COG1: variants seen among roughly 807,000 people sequenced by gnomAD.
The protein encoded by COG1 is component of oligomeric golgi complex 1, also known as conserved oligomeric Golgi complex subunit 1.
Under a neutral mutation model 102.2 loss-of-function variants are expected in COG1, and 61 were observed. That is an observed-to-expected ratio of 0.60 (90% CI 0.49 to 0.74). COG1 has a LOEUF of 0.74. Among genes scored for constraint, COG1 ranks in the 30% least tolerant of loss-of-function variants. The pLI, the probability that COG1 is intolerant of heterozygous loss-of-function variation, is 0.00. For synonymous variants in COG1, 454 were observed against 493.6 expected (o/e 0.92, Z 1.06); for missense variants, 1,164 against 1,232.1 (o/e 0.94, Z 0.83).
intron 8 of COG1, 46 bp downstream of exon 8, chr17:73,203,192 G>A (rs748571290): frequency 6.2e-7 from 1 of 1,605,374 alleles, no homozygotes; most frequent in Non-Finnish European, 8.5e-7. Flanking sequence ...CTGCTCCGTG[G>A]AAAAGAAGAA....
chr17:73,205,750 G>A (rs1007725798), intron 10 of COG1, 70 bp downstream of exon 10: 17 of 1,593,582 alleles, frequency 1.1e-5, no homozygotes, highest in Non-Finnish European at 1.4e-5. Context: ...TTGCTGGGAA[G>A]CCACCAGAGT....
intron 1 of COG1, among the ~76,000 whole-genome samples, 181 bp from the exon 2 acceptor site, chr17:73,196,326 C>G (rs996711959): frequency 6.6e-6 from 1 of 152,174 alleles, no homozygotes; most frequent in Non-Finnish European, 1.5e-5. Context: ...TGGGATCTTA[C>G]AACACTCCTG....
intron 8 of COG1, chr17:73,203,377 C>G (rs1181178617): frequency 1.4e-6 from 1 of 705,098 alleles, no homozygotes; most frequent in Non-Finnish European, 2.4e-6. Context: ...ATTAGGGAAC[C>G]ACTTACTTGC....
At chr17:73,194,715 T>G (rs909971656) in intron 1 of COG1, among the ~76,000 whole-genome samples, 3 of 152,084 alleles carry the variant, frequency 2.0e-5, no homozygotes, top group African/African-American at 7.2e-5. Flanking sequence ...CTGCCTGCCT[T>G]GGCCTCCCAA....
chr17:73,207,000 G>T, intron 12 of COG1, 181 bp from the exon 13 acceptor site: 1 of 704,144 alleles, frequency 1.4e-6, no homozygotes, highest in South Asian at 1.7e-5. Context: ...GGCTGAGGCA[G>T]GAGAATGGCG....
Position 73,196,951 on chromosome 17 carries a change from T to G in COG1, c.612T>G (p.Ser204=). ...TGTTGCTCAAATGCCAAGGTGTGTC[T>G]GACCAAGCTGTGGCCGAGGCCCTGT... is the stretch of plus-strand genomic sequence containing the variant. ...SKMLLKCQGV[S]DQAVAEALCS... Residue 204 remains serine, a synonymous_variant, in exon 3 of 14, where the codon TCT becomes TCG. Coordinates refer to ENST00000299886, the MANE Select transcript of COG1 (RefSeq NM_018714.3). 6.2e-7 allele frequency: 1 copy of G among 1,614,250 alleles called. No individual in the cohort carries two copies. The highest frequency in any genetic ancestry group is 8.5e-7 in the Non-Finnish European group (1 of 1,180,044).
intron 9 of COG1, 34 bp from the exon 10 acceptor site, chr17:73,205,519 T>C (rs749333897): frequency 1.7e-5 from 28 of 1,613,382 alleles, no homozygotes; most frequent in Non-Finnish European, 2.4e-5. Context: ...AAGTCCTCTC[T>C]CTTCATGGGT....
Position 73,206,739 on chromosome 17 carries a change from A to T in COG1, c.2651A>T (p.Asn884Ile), listed in dbSNP as rs769291207. The change falls in exon 12 of 14, where the codon AAT becomes ATT. Residue 884 changes from asparagine (N) to isoleucine (I), a missense_variant. Asn to Ile is a moderately radical substitution (Grantham distance 149). Transcript: ENST00000299886. The part of the protein sequence containing the change: ...VLFGLVTGTE[N>I]QLAPRSSTFN... The stretch of plus-strand genomic sequence containing the variant: ...TTTGGATTGGTGACTGGTACAGAGA[A>T]TCAGCTCGCCCCCCGGAGCAGTACG... 6.2e-7 allele frequency: 1 copy of T among 1,613,130 alleles called. No homozygotes were observed. Among genetic ancestry groups the T allele is most frequent in the South Asian group, 1.1e-5 (1 of 91,044 alleles).
chr17:73,206,183 C>T lies in COG1; in HGVS notation c.2540C>T (p.Ala847Val). Residue 847 changes from alanine (A) to valine (V), a missense_variant, in exon 11 of 14, where the codon GCC (alanine) becomes GTC (valine). Coordinates refer to ENST00000299886, the MANE Select transcript of COG1 (RefSeq NM_018714.3). ...GAGAAAGTGACTGACCACCTGGAAG[C>T]CCTCATTGATCCATTTGACCTGGAC... ...RIEKVTDHLE[A>V]LIDPFDLDVF... The T allele has an allele frequency of 6.2e-7, 1 of 1,614,094 alleles. No homozygotes were observed. Among genetic ancestry groups the T allele is most frequent in the South Asian group, 1.1e-5 (1 of 91,086 alleles).
At chr17:73,198,736 T>TTCC (rs1350328548) in intron 4 of COG1, among the ~76,000 whole-genome samples, 5 of 152,296 alleles carry the variant, frequency 3.3e-5, no homozygotes, top group African/African-American at 1.2e-4. Context: ...TGGCTGTTAT[T>TTCC]TCAAGCTGTG....
At chr17:73,200,981 C>A in intron 6 of COG1, 128 bp from the exon 7 acceptor site, 1 of 977,806 alleles carries the variant, frequency 1.0e-6, no homozygotes, top group Non-Finnish European at 1.6e-6. Context: ...TATTCTCTGC[C>A]AACACCATGC....
intron 9 of COG1, among the ~76,000 whole-genome samples, chr17:73,204,554 CTTT>C (rs575425786): frequency 0.021 from 1,997 of 95,858 alleles, 34 homozygotes; most frequent in African/African-American, 0.074. Flanking sequence ...TCATTAGTAA[CTTT>C]TTTTTTTTTT....
In COG1 at chr17:73,201,485, A is replaced by G. The variant is rs1187745386; in HGVS notation, c.1658A>G (p.Lys553Arg). 6.2e-6 allele frequency: 10 copies of G among 1,614,290 alleles called. No homozygotes were observed. The highest frequency in any genetic ancestry group is 8.5e-6 in the Non-Finnish European group (10 of 1,180,054). Residue 553 changes from lysine (K) to arginine (R), a missense_variant, in exon 7 of 14, where the codon AAG becomes AGG. Lys to Arg is a conservative substitution (Grantham distance 26, BLOSUM62 2). Transcript: ENST00000299886. ...AAGGACGTTTCTCCCACACAGGCCAAGAGTTCTGCCTTTGACAGATACGCA... is the reference window on the plus strand; with the variant it reads ...AAGGACGTTTCTCCCACACAGGCCAGGAGTTCTGCCTTTGACAGATACGCA... ...LPKDVSPTQAKSSAFDRYADA... is the reference protein window; with the variant it reads ...LPKDVSPTQARSSAFDRYADA...
chr17:73,203,601 T>C, intron 8 of COG1, 31 bp from the exon 9 acceptor site: 1 of 1,613,818 alleles, frequency 6.2e-7, no homozygotes, highest in Non-Finnish European at 8.5e-7. Flanking sequence ...TTGGTGCAAG[T>C]TGGCAATGTG....
chr17:73,203,197 GAAGA>G (rs759881273), intron 8 of COG1, 51 bp downstream of exon 8: 16 of 1,603,218 alleles, frequency 1.0e-5, no homozygotes, highest in East Asian at 2.2e-5. Context: ...CCGTGGAAAA[GAAGA>G]AAGATTTTAG....
chr17:73,199,647 T>TCA (rs2061338966), intron 4 of COG1, among the ~76,000 whole-genome samples: 1 of 152,120 alleles, frequency 6.6e-6, no homozygotes, highest in African/African-American at 2.4e-5. Context: ...TGATCATGGG[T>TCA]CACTGCAGCC....
At chr17:73,206,669 C>A in intron 11 of COG1, 39 bp from the exon 12 acceptor site, 2 of 1,275,870 alleles carry the variant, frequency 1.6e-6, no homozygotes, top group Non-Finnish European at 2.3e-6. Flanking sequence ...TTTCTTTTAC[C>A]TGCACAATGA....
Position 73,193,081 on chromosome 17 carries a change from G to T in COG1, c.12G>T (p.Ala4=), listed in dbSNP as rs1275216208. The change falls in exon 1 of 14, where the codon GCG becomes GCT. Residue 4 remains alanine (A), a synonymous_variant. Transcript: ENST00000299886. ...CTGACGAGTGCACCATGGCCACCGC[G>T]GCAACCTCACCCGCGCTGAAGCGGC... MAT[A]ATSPALKRLD... The T allele has an allele frequency of 5.0e-6, 8 of 1,584,778 alleles. No individual in the cohort carries two copies. The highest frequency in any genetic ancestry group is 1.1e-5 in the South Asian group (1 of 90,650).
At position 73,208,021 on chromosome 17, in the gene COG1, T is replaced by C. The variant is rs2061389186; in HGVS notation, c.2806-293T>C. On this transcript the variant is annotated intron_variant, in intron 13 of 13. Coordinates refer to ENST00000299886, the MANE Select transcript of COG1 (RefSeq NM_018714.3). Reference sequence around the variant, plus strand: ...TCTTCCAGAACAGTTTCCACTGCAGTGATCTTTCAGTTCTGCCCACATTAG... The same window carrying C: ...TCTTCCAGAACAGTTTCCACTGCAGCGATCTTTCAGTTCTGCCCACATTAG... 4 of 1,323,122 alleles carry C rather than the reference T, an allele frequency of 3.0e-6. No individual in the cohort carries two copies. The African/African-American group carries it at 4.5e-5, about 15-fold the overall frequency. 82.0% of individuals were successfully genotyped at this position (1,323,122 alleles called of 1,614,324 possible).
Sources: gnomAD v4.1 joint callset for allele counts (sites outside exome capture counted in the v4.1 genomes callset) on GRCh38, gnomAD v4.1.1 for gene constraint, MANE v1.5 for transcripts, NCBI Gene and HGNC (gene_info 2026-07-23, HGNC 2026-07-21) for gene names.